Variants in TRPM3 observed in about 807,000 individuals in gnomAD.
TRPM3 encodes long transient receptor potential channel 3.
TRPM3 carries 77 observed loss-of-function variants against 181.2 expected under a neutral mutation model. The observed-to-expected ratio is 0.42, with a 90% CI of 0.35 to 0.51. The LOEUF (loss-of-function observed/expected upper bound fraction) is 0.51. Among genes scored for constraint, TRPM3 ranks in the 20% least tolerant of loss-of-function variants. TRPM3 has a pLI of 0.01. For missense variants in TRPM3, 1,759 were observed against 2,196.7 expected (o/e 0.80, Z 3.98); for synonymous variants, 745 against 796.4 (o/e 0.94, Z 1.09).
intron 1 of TRPM3, among the ~76,000 whole-genome samples, chr9:71,433,423 G>T (rs1450455987): frequency 6.6e-6 from 1 of 152,194 alleles, no homozygotes; most frequent in Admixed American, 6.5e-5. Flanking sequence ...GGACATGTTT[G>T]CTTCCTCTTC....
At chr9:70,686,505 A>C (rs983201668) in intron 8 of TRPM3, among the ~76,000 whole-genome samples, 9 of 151,632 alleles carry the variant, frequency 5.9e-5, no homozygotes, top group African/African-American at 1.9e-4. Flanking sequence ...CCCTGCCTTT[A>C]TTTTGATCCT....
rs551588107 is a variant in TRPM3, at chr9:70,571,006, AG to A, written c.3224-17697del. The stretch of plus-strand genomic sequence containing the variant: ...TCTATTCCATCTGAATAACAGTATC[AG>A]TTATTTTGAGCTGGCCAGAAAATGT... On this transcript the variant is annotated intron_variant, in intron 22 of 25. Transcript: ENST00000677713. Among the ~76,000 whole-genome samples, 19 of 152,226 alleles carry A rather than the reference AG, an allele frequency of 1.2e-4. No individual in the cohort carries two copies. In the East Asian group the frequency reaches 3.5e-3, roughly 28 times the overall value.
Position 71,150,356 on chromosome 9 carries a change from T to C in TRPM3, c.184-285845A>G, listed in dbSNP as rs552176731. The stretch of plus-strand genomic sequence containing the variant: ...TTGGTTACTAGAAAAATGCAATTTA[T>C]AAAAACTGACCCAGATGAGCAGAGT... On this transcript the variant is annotated intron_variant, in intron 1 of 24. Coordinates refer to the TRPM3 transcript ENST00000357533. Among the ~76,000 whole-genome samples the C allele has an allele frequency of 3.9e-5, 6 of 152,256 alleles. No individual in the cohort carries two copies. The South Asian group carries it at 1.2e-3, about 32-fold the overall frequency.
At chr9:71,173,913 T>A (rs1352026608) in intron 1 of TRPM3, among the ~76,000 whole-genome samples, 1 of 152,170 alleles carries the variant, frequency 6.6e-6, no homozygotes, top group Non-Finnish European at 1.5e-5. Flanking sequence ...TTGCTTTGCA[T>A]TATAAATTGC....
intron 7 of TRPM3, among the ~76,000 whole-genome samples, chr9:70,770,642 T>C (rs1011683400): frequency 3.9e-5 from 6 of 152,156 alleles, no homozygotes; most frequent in African/African-American, 1.2e-4. Context: ...CAGTGAGGGA[T>C]CTGAGACAGG....
chr9:70,684,645 A>G (rs4428729), intron 8 of TRPM3, among the ~76,000 whole-genome samples: 2,754 of 152,316 alleles, frequency 0.018, 95 homozygotes, highest in African/African-American at 0.06. Context: ...TCACCCATCA[A>G]TGTTGGCAGA....
chr9:70,643,299 T>C (rs2058345260), intron 9 of TRPM3, among the ~76,000 whole-genome samples: 1 of 152,320 alleles, frequency 6.6e-6, no homozygotes, highest in Middle Eastern at 3.4e-3. Flanking sequence ...CTTTAGCTGG[T>C]CTACTGGTTG....
intron 1 of TRPM3, among the ~76,000 whole-genome samples, chr9:71,379,283 C>T (rs2092737113): frequency 6.6e-6 from 1 of 152,058 alleles, no homozygotes; most frequent in South Asian, 2.1e-4. Context: ...AAGAGCATTA[C>T]TTGGAACCAT....
At chr9:70,651,546 C>A (rs1269105729) in intron 9 of TRPM3, among the ~76,000 whole-genome samples, 1 of 152,134 alleles carries the variant, frequency 6.6e-6, no homozygotes, top group Non-Finnish European at 1.5e-5. Flanking sequence ...TGTTTTTGCA[C>A]ATACTGTTCC....
intron 1 of TRPM3, among the ~76,000 whole-genome samples, chr9:70,995,353 G>A (rs1435665357): frequency 6.6e-6 from 1 of 152,170 alleles, no homozygotes; most frequent in Non-Finnish European, 1.5e-5. Context: ...GATAAAAAGT[G>A]GAAGACAGAT....
chr9:71,247,767 G>A (rs2082119416), intron 1 of TRPM3, among the ~76,000 whole-genome samples: 1 of 152,170 alleles, frequency 6.6e-6, no homozygotes, highest in South Asian at 2.1e-4. Context: ...CCTTTCTGCT[G>A]CTTAGTCATT....
chr9:71,171,827 A>G (rs764557319), intron 1 of TRPM3, among the ~76,000 whole-genome samples: 13 of 152,152 alleles, frequency 8.5e-5, no homozygotes, highest in Admixed American at 6.6e-5. Context: ...AGCTTCACAC[A>G]TCTAAGACCA....
chr9:71,091,084 T>C (rs953299074), intron 1 of TRPM3, among the ~76,000 whole-genome samples: 2 of 152,112 alleles, frequency 1.3e-5, no homozygotes, highest in Non-Finnish European at 2.9e-5. Context: ...GTCAGGAGCA[T>C]TACTACCTTT....
chr9:71,316,899 C>G (rs1198171485), intron 1 of TRPM3, among the ~76,000 whole-genome samples: 6 of 152,184 alleles, frequency 3.9e-5, no homozygotes, highest in African/African-American at 1.4e-4. Flanking sequence ...CTGCCTACCA[C>G]TTTTCAGATG....
At chr9:70,697,802 T>G (rs758230446) in intron 8 of TRPM3, among the ~76,000 whole-genome samples, 1 of 152,226 alleles carries the variant, frequency 6.6e-6, no homozygotes, top group Non-Finnish European at 1.5e-5. Flanking sequence ...TATATGGTTC[T>G]CCAGCAAATT....
intron 8 of TRPM3, among the ~76,000 whole-genome samples, chr9:70,752,049 TGCGCGCGC>T (rs367694647): frequency 3.2e-4 from 37 of 116,432 alleles, no homozygotes; most frequent in South Asian, 2.0e-3. Flanking sequence ...TGTGTGTGTG[TGCGCGCGC>T]GCGCGCATAC....
At chr9:71,014,736 C>T (rs1461634565) in intron 1 of TRPM3, among the ~76,000 whole-genome samples, 2 of 152,038 alleles carry the variant, frequency 1.3e-5, no homozygotes, top group East Asian at 3.9e-4. Flanking sequence ...CACTTTTAGG[C>T]ATATATTGTA....
rs1381515465 is a variant in TRPM3 at position 71,100,625 on chromosome 9, T to C, written c.177+20553A>G. 3.3e-5 allele frequency among the ~76,000 whole-genome samples: 5 copies of C among 152,256 alleles called. 1 individual carries two copies. In the East Asian group the frequency reaches 9.7e-4, roughly 29 times the overall value. ...ATTTCCTAAATCTTAACTATGATTA[T>C]CTTAAGATGATTAAAGCATAAGAGT... On this transcript the variant is annotated intron_variant, in intron 1 of 25. Transcript: ENST00000677713.
intron 1 of TRPM3, among the ~76,000 whole-genome samples, chr9:71,345,401 T>C (rs1296297444): frequency 6.6e-6 from 1 of 152,186 alleles, no homozygotes; most frequent in Non-Finnish European, 1.5e-5. Context: ...CATGGAATAC[T>C]ATGCAGCCAT....
Sources: gnomAD v4.1 joint callset for allele counts (sites outside exome capture counted in the v4.1 genomes callset) on GRCh38, gnomAD v4.1.1 for gene constraint, MANE v1.5 for transcripts, NCBI Gene and HGNC (gene_info 2026-07-23, HGNC 2026-07-21) for gene names.